The following AKAP5 variants were observed in gnomAD, a reference collection of about 807,000 sequenced individuals.
The protein encoded by AKAP5 is A-kinase anchor protein 5.
A neutral mutation model predicts 13.8 loss-of-function variants in AKAP5; 5 were observed. The ratio of observed to expected loss-of-function variants is 0.36; its 90% CI spans 0.19 to 0.76. The LOEUF (loss-of-function observed/expected upper bound fraction) is 0.76, where lower values mean the gene tolerates loss of function less well. Among genes scored for constraint, AKAP5 ranks in the 30% least tolerant of loss-of-function variants. AKAP5 has a pLI of 0.51. For missense variants in AKAP5, 406 were observed against 484.4 expected (o/e 0.84, Z 1.52); for synonymous variants, 148 against 167.2 (o/e 0.89, Z 0.89).
intron 1 of AKAP5, among the ~76,000 whole-genome samples, chr14:64,466,938 T>C (rs575293729): frequency 3.3e-4 from 51 of 152,352 alleles, no homozygotes; most frequent in Non-Finnish European, 6.6e-4. Flanking sequence ...GCCAATTGCA[T>C]AGTTTGCCAA....
Position 64,470,960 on chromosome 14 carries a change from C to T in AKAP5, c.*1282C>T, listed in dbSNP as rs1007024052. ...CTGGTAGTAATGGTCCTGGAAAATC[C>T]TAATAATCTAGTGCAAATATTTATT... On this transcript the variant is annotated 3_prime_UTR_variant, in exon 2 of 2. Coordinates refer to ENST00000394718, the MANE Select transcript of AKAP5 (RefSeq NM_004857.3). 1 of 166,898 alleles carries T rather than the reference C, an allele frequency of 6.0e-6. No homozygotes were observed. Among genetic ancestry groups the T allele is most frequent in the African/African-American group, 2.4e-5 (1 of 41,382 alleles). The allele number at this position is 166,898 out of a possible 1,614,324, so 10.3% of individuals were successfully genotyped here.
At chr14:64,465,816 CCCTT>C (rs1462881848) in intron 1 of AKAP5, among the ~76,000 whole-genome samples, 1 of 152,190 alleles carries the variant, frequency 6.6e-6, no homozygotes, top group Non-Finnish European at 1.5e-5. Flanking sequence ...CCCACCTATC[CCCTT>C]CGCGTTACAG....
chr14:64,470,911 G>A lies in AKAP5; in HGVS notation c.*1233G>A, dbSNP rs1255515746. 1.2e-5 allele frequency: 2 copies of A among 166,998 alleles called. No individual in the cohort carries two copies. Among genetic ancestry groups the A allele is most frequent in the African/African-American group, 4.8e-5 (2 of 41,426 alleles). The allele number at this position is 166,998 out of a possible 1,614,324, so 10.3% of individuals were successfully genotyped here. ...ATATTCATCAACTTCTCTCCAAAGA[G>A]GGGAGAGTAGATTCAAAGCCAGCCT... On this transcript the variant is annotated 3_prime_UTR_variant, in exon 2 of 2. Transcript: ENST00000394718.
At position 64,469,721 on chromosome 14, in the gene AKAP5, G is replaced by T. The variant is rs962076150; in HGVS notation, c.*43G>T. 19 of 1,032,430 alleles carry T rather than the reference G, an allele frequency of 1.8e-5. No homozygotes were observed. The highest frequency in any genetic ancestry group is 5.1e-5 in the East Asian group (2 of 39,160). The allele number at this position is 1,032,430 out of a possible 1,614,324, so 64.0% of individuals were successfully genotyped here. ...CGGCAGAAAAAACAAGCTTAATGAAGAATTCTTTTATACATTTGTGGCATT... is the reference window on the plus strand; with the variant it reads ...CGGCAGAAAAAACAAGCTTAATGAATAATTCTTTTATACATTTGTGGCATT... On this transcript the variant is annotated 3_prime_UTR_variant, in exon 2 of 2. Coordinates refer to ENST00000394718, the MANE Select transcript of AKAP5 (RefSeq NM_004857.3).
Position 64,469,062 on chromosome 14 carries a change from T to C in AKAP5, c.668T>C (p.Ile223Thr). 1 of 1,614,142 alleles carries C rather than the reference T, an allele frequency of 6.2e-7. No homozygotes were observed. The highest frequency in any genetic ancestry group is 8.5e-7 in the Non-Finnish European group (1 of 1,180,026). Residue 223 changes from isoleucine (I) to threonine (T), a missense_variant, in exon 2 of 2, where the codon ATT (isoleucine) becomes ACT (threonine). Transcript: ENST00000394718. Reference sequence around the variant, plus strand: ...GGATTAGATAATGGGCATTCTGCTATTCAAACGGGAACTCTAATCCTTGAA... The same window carrying C: ...GGATTAGATAATGGGCATTCTGCTACTCAAACGGGAACTCTAATCCTTGAA... ...ELGLDNGHSA[I>T]QTGTLILEEI... is the part of the protein sequence containing the mutation.
chr14:64,469,235 AG>A lies in AKAP5; in HGVS notation c.842del (p.Ser281IlefsTer5), dbSNP rs2078642466. ...IPDQQIVEEA[S>X]NSTLESAPNG... The stretch of plus-strand genomic sequence containing the variant: ...AGATCAACAAATTGTGGAAGAAGCC[AG>A]TAACAGTACCCTAGAAAGTGCACCA... On this transcript the variant is annotated frameshift_variant, in exon 2 of 2. Transcript: ENST00000394718. LOFTEE classifies it high-confidence loss of function. The A allele has an allele frequency of 1.2e-6, 2 of 1,614,058 alleles. No individual in the cohort carries two copies. Among genetic ancestry groups the A allele is most frequent in the Non-Finnish European group, 1.7e-6 (2 of 1,180,026 alleles).
In AKAP5 at chr14:64,468,276, T is replaced by G; in HGVS notation, c.-119T>G. 3.3e-6 allele frequency: 3 copies of G among 896,692 alleles called. No individual in the cohort carries two copies. The highest frequency in any genetic ancestry group is 5.0e-6 in the Non-Finnish European group (3 of 599,930). The allele number at this position is 896,692 out of a possible 1,614,324, so 55.5% of individuals were successfully genotyped here. ...CAACTGTATGGAGTAAGATGAAAGG[T>G]ATGAATATGCCTGGAAGAAATTTTA... On this transcript the variant is annotated 5_prime_UTR_variant, in exon 2 of 2. Coordinates refer to ENST00000394718, the MANE Select transcript of AKAP5 (RefSeq NM_004857.3).
Position 64,469,330 on chromosome 14 carries a change from C to T in AKAP5, c.936C>T (p.Ser312=), listed in dbSNP as rs770626083. 4.3e-6 allele frequency: 7 copies of T among 1,613,386 alleles called. No individual in the cohort carries two copies. In the African/African-American group the frequency reaches 9.4e-5, roughly 22 times the overall value. ...CTAAGCCAAAAGATACTGAATTGAG[C>T]CAAGAATCAGATTTTAAAGAAAATG... ...EETKPKDTEL[S]QESDFKENGI... The change falls in exon 2 of 2, where the codon AGC becomes AGT. Residue 312 remains serine (S), a synonymous_variant. Coordinates refer to ENST00000394718, the MANE Select transcript of AKAP5 (RefSeq NM_004857.3).
At position 64,468,628 on chromosome 14, in the gene AKAP5, C is replaced by A; in HGVS notation, c.234C>A (p.Ala78=). Reference sequence around the variant, plus strand: ...ATCAGCCAGAGCCCACACGGGGGGCCTGGGCCTCACTCAAACGTCTTGTAA... The same window carrying A: ...ATCAGCCAGAGCCCACACGGGGGGCATGGGCCTCACTCAAACGTCTTGTAA... ...ASDQPEPTRG[A]WASLKRLVTR... The change falls in exon 2 of 2, where the codon GCC becomes GCA. Residue 78 remains alanine, a synonymous_variant. Transcript: ENST00000394718. 6.2e-7 allele frequency: 1 copy of A among 1,613,896 alleles called. No homozygotes were observed. Among genetic ancestry groups the A allele is most frequent in the Non-Finnish European group, 8.5e-7 (1 of 1,180,016 alleles).
rs369679403 is a variant in AKAP5, at chr14:64,471,470, C to T, written c.*1792C>T. The T allele has an allele frequency of 6.0e-6, 1 of 166,918 alleles. No individual in the cohort carries two copies. The highest frequency in any genetic ancestry group is 2.1e-4 in the South Asian group (1 of 4,816). The allele number at this position is 166,918 out of a possible 1,614,324, so 10.3% of individuals were successfully genotyped here. A position where few individuals can be genotyped will look rare whatever the true frequency, so the allele number is the denominator to read the frequency against. On this transcript the variant is annotated 3_prime_UTR_variant, in exon 2 of 2. Transcript: ENST00000394718. Reference sequence around the variant, plus strand: ...CCCGGCCTTCATCACTATTTTCAATCCAGATATACTTTACAAAAATGAGAA... The same window carrying T: ...CCCGGCCTTCATCACTATTTTCAATTCAGATATACTTTACAAAAATGAGAA...
At position 64,469,771 on chromosome 14, in the gene AKAP5, T is replaced by TGATAAATCTCTCA; in HGVS notation, c.*93_*94insGATAAATCTCTCA. 2.2e-6 allele frequency: 2 copies of TGATAAATCTCTCA among 925,282 alleles called. No individual in the cohort carries two copies. Among genetic ancestry groups the TGATAAATCTCTCA allele is most frequent in the Non-Finnish European group, 3.2e-6 (2 of 617,654 alleles). 57.3% of individuals were successfully genotyped at this position (925,282 alleles called of 1,614,324 possible). On this transcript the variant is annotated 3_prime_UTR_variant, in exon 2 of 2. Coordinates refer to ENST00000394718, the MANE Select transcript of AKAP5 (RefSeq NM_004857.3). ...TTCTTACTCAGTAACAAATGAGAGATTTATCATCTCTAGAACTTAAAAGGT... is the reference window on the plus strand; with the variant it reads ...TTCTTACTCAGTAACAAATGAGAGATGATAAATCTCTCATTATCATCTCTAGAACTTAAAAGGT...
chr14:64,473,612 G>A lies in AKAP5; in HGVS notation c.*3934G>A, dbSNP rs547867423. 1 of 167,134 alleles carries A rather than the reference G, an allele frequency of 6.0e-6. No individual in the cohort carries two copies. The highest frequency in any genetic ancestry group is 2.4e-5 in the African/African-American group (1 of 41,540). The allele number at this position is 167,134 out of a possible 1,614,324, so 10.4% of individuals were successfully genotyped here. On this transcript the variant is annotated 3_prime_UTR_variant, in exon 2 of 2. Transcript: ENST00000394718. ...TACCTTATTTTTTATAGTTAAGAAT[G>A]TTTTTCGAGGTTTACAACAGAATTT...
In AKAP5 at chr14:64,469,267, A is replaced by T. The variant is rs751714213; in HGVS notation, c.873A>T (p.Gly291=). ...GTACCCTAGAAAGTGCACCAAATGGAAAAGACTATGAAAGTACAGAGATTG... is the reference window on the plus strand; with the variant it reads ...GTACCCTAGAAAGTGCACCAAATGGTAAAGACTATGAAAGTACAGAGATTG... ...SNSTLESAPN[G]KDYESTEIVA... Residue 291 remains glycine (G), a synonymous_variant, in exon 2 of 2, where the codon GGA becomes GGT. Transcript: ENST00000394718. 1 of 1,613,574 alleles carries T rather than the reference A, an allele frequency of 6.2e-7. No individual in the cohort carries two copies. Among genetic ancestry groups the T allele is most frequent in the African/African-American group, 1.3e-5 (1 of 74,876 alleles).
chr14:64,468,930 C>T lies in AKAP5; in HGVS notation c.536C>T (p.Thr179Ile), dbSNP rs1596588517. ...LNDQATKAKS[T>I]QDLSEGISRK... ...GATCAGGCAACAAAGGCTAAGTCAA[C>T]CCAGGATCTAAGTGAAGGCATCTCA... Residue 179 changes from threonine to isoleucine, a missense_variant, in exon 2 of 2, where the codon ACC becomes ATC. By Grantham distance (89) the Thr-to-Ile change is moderately conservative. Coordinates refer to ENST00000394718, the MANE Select transcript of AKAP5 (RefSeq NM_004857.3). 7 of 1,614,132 alleles carry T rather than the reference C, an allele frequency of 4.3e-6. No individual in the cohort carries two copies. The highest frequency in any genetic ancestry group is 4.2e-6 in the Non-Finnish European group (5 of 1,180,022).
At position 64,466,836 on chromosome 14, in the gene AKAP5, T is replaced by C. The variant is rs139968666; in HGVS notation, c.-264+1223T>C. The stretch of plus-strand genomic sequence containing the variant: ...CACCCACTAAAATTCATAGGATCTT[T>C]GTTGGATAATCACCTCCCATTTCCA... On this transcript the variant is annotated intron_variant, in intron 1 of 1. Coordinates refer to ENST00000394718, the MANE Select transcript of AKAP5 (RefSeq NM_004857.3). Among the ~76,000 whole-genome samples the C allele has an allele frequency of 1.9e-3, 292 of 152,354 alleles. 1 individual carries two copies. Among genetic ancestry groups the C allele is most frequent in the African/African-American group, 6.8e-3 (282 of 41,576 alleles).
At chr14:64,467,500 C>A (rs1201651593) in intron 1 of AKAP5, 3 of 152,174 alleles carry the variant, frequency 2.0e-5, no homozygotes, top group African/African-American at 7.2e-5. Context: ...TGGGAAATGA[C>A]AGTAATGCTA....
Position 64,471,385 on chromosome 14 carries a change from C to A in AKAP5, c.*1707C>A, listed in dbSNP as rs1167924797. 1 of 166,610 alleles carries A rather than the reference C, an allele frequency of 6.0e-6. No homozygotes were observed. The highest frequency in any genetic ancestry group is 1.5e-5 in the Non-Finnish European group (1 of 68,162). The allele number at this position is 166,610 out of a possible 1,614,324, so 10.3% of individuals were successfully genotyped here. On this transcript the variant is annotated 3_prime_UTR_variant, in exon 2 of 2. Coordinates refer to ENST00000394718, the MANE Select transcript of AKAP5 (RefSeq NM_004857.3). Reference sequence around the variant, plus strand: ...GCCAGGATGGTCTTGATCTCCTGACCTCATGATCCTCCCGCCTCGGCCTCC... The same window carrying A: ...GCCAGGATGGTCTTGATCTCCTGACATCATGATCCTCCCGCCTCGGCCTCC...
chr14:64,471,358 TA>T lies in AKAP5; in HGVS notation c.*1681del, dbSNP rs1426398333. ...TAGTAGAGATGGGGTTTCACCGTGT[TA>T]GCCAGGATGGTCTTGATCTCCTGAC... On this transcript the variant is annotated 3_prime_UTR_variant, in exon 2 of 2. Transcript: ENST00000394718. 2.2e-4 allele frequency: 36 copies of T among 166,004 alleles called. No homozygotes were observed. The highest frequency in any genetic ancestry group is 4.4e-5 in the Non-Finnish European group (3 of 68,188). The allele number at this position is 166,004 out of a possible 1,614,324, so 10.3% of individuals were successfully genotyped here.
intron 1 of AKAP5, 44 bp downstream of exon 1, chr14:64,465,657 G>T (rs2078605052): frequency 6.6e-6 from 1 of 152,302 alleles, no homozygotes; most frequent in Non-Finnish European, 1.5e-5. Flanking sequence ...AGGAGGGTCG[G>T]GGGCAATGTC....
Sources: allele counts gnomAD v4.1 joint callset (sites outside exome capture counted in the v4.1 genomes callset), GRCh38; gene constraint gnomAD v4.1.1; transcripts MANE v1.5; gene names NCBI Gene and HGNC (gene_info 2026-07-23, HGNC 2026-07-21).